The following ACP7 variants were observed in gnomAD, a reference collection of about 807,000 sequenced individuals.
ACP7 encodes acid phosphatase 7, tartrate resistant (putative).
A neutral mutation model predicts 60.6 loss-of-function variants in ACP7; 58 were observed. The observed-to-expected ratio is 0.96, with a 90% CI of 0.77 to 1.19. The LOEUF (loss-of-function observed/expected upper bound fraction) is 1.19. ACP7 is among the 50% of genes most tolerant of loss of function. The probability of loss-of-function intolerance (pLI) is 0.00; values close to 1 mark genes in which losing one functional copy is unlikely to be tolerated. For synonymous variants in ACP7, 237 were observed against 232.6 expected, an observed-to-expected ratio of 1.02 and a Z score of -0.17; for missense variants, 574 against 596.2, an observed-to-expected ratio of 0.96 and a Z score of 0.39.
Position 39,110,105 on chromosome 19 carries a change from G to A in ACP7, c.1304G>A (p.Arg435Lys). Residue 435 changes from arginine to lysine, a missense_variant, in exon 13 of 13, where the codon AGG becomes AAG. Arg to Lys is a conservative substitution (Grantham distance 26, BLOSUM62 2). Coordinates refer to ENST00000331256, the MANE Select transcript of ACP7 (RefSeq NM_001004318.3). ...VWVVRPLFGR[R>K]MYL ...GTGGTGAGACCCCTGTTTGGCCGGA[G>A]GATGTACCTCTAGGGATGGCGGCAG... is the stretch of plus-strand genomic sequence containing the variant. The A allele has an allele frequency of 6.2e-7, 1 of 1,613,764 alleles. No individual in the cohort carries two copies. Among genetic ancestry groups the A allele is most frequent in the Non-Finnish European group, 8.5e-7 (1 of 1,179,620 alleles).
rs775669799 is a variant in ACP7, at chr19:39,100,297, C to G, written c.576C>G (p.Pro192=). The change falls in exon 5 of 13, where the codon CCC becomes CCG. Residue 192 remains proline, a synonymous_variant. Transcript: ENST00000331256. ...VGDRFMRLIE[P]VAASLPYMTC... ...ATAGGTTCATGCGGCTCATTGAACCCGTGGCTGCCAGCCTGCCGTACATGA... is the reference window on the plus strand; with the variant it reads ...ATAGGTTCATGCGGCTCATTGAACCGGTGGCTGCCAGCCTGCCGTACATGA... 3 of 1,614,052 alleles carry G rather than the reference C, an allele frequency of 1.9e-6. No homozygotes were observed. Among genetic ancestry groups the G allele is most frequent in the African/African-American group, 1.3e-5 (1 of 75,010 alleles).
intron 11 of ACP7, among the ~76,000 whole-genome samples, chr19:39,106,220 A>G (rs2073409424): frequency 6.6e-6 from 1 of 152,286 alleles, no homozygotes; most frequent in Middle Eastern, 3.4e-3. Flanking sequence ...TGGAGGGTCT[A>G]CTGTGCAGCC....
At chr19:39,101,082 G>A (rs1366913788) in intron 8 of ACP7, 26 bp downstream of exon 8, 2 of 1,613,720 alleles carry the variant, frequency 1.2e-6, no homozygotes, top group African/African-American at 1.3e-5. Flanking sequence ...GGGAGACAGT[G>A]GGGACATGCT....
intron 2 of ACP7, among the ~76,000 whole-genome samples, chr19:39,090,628 G>T (rs746695939): frequency 5.3e-5 from 8 of 150,760 alleles, no homozygotes; most frequent in Non-Finnish European, 1.2e-4. Flanking sequence ...GGACTACAGG[G>T]ATGCACCACT....
chr19:39,086,562 A>G (rs575272636), intron 2 of ACP7, among the ~76,000 whole-genome samples: 29 of 148,178 alleles, frequency 2.0e-4, no homozygotes, highest in African/African-American at 7.1e-4. Flanking sequence ...CCCAGGAGGC[A>G]AAGGTTGCAA....
At chr19:39,098,860 TCCC>T (rs1276349574) in intron 3 of ACP7, 97 bp from the exon 4 acceptor site, 15 of 1,444,384 alleles carry the variant, frequency 1.0e-5, no homozygotes, top group Middle Eastern at 2.1e-4. Flanking sequence ...CCCCCACCAG[TCCC>T]CCCATCTCCT....
At chr19:39,092,771 CTTTTTT>C (rs67888880) in intron 2 of ACP7, among the ~76,000 whole-genome samples, 2 of 114,668 alleles carry the variant, frequency 1.7e-5, no homozygotes, top group South Asian at 3.0e-4. Flanking sequence ...TCCCATTCCT[CTTTTTT>C]TTTTTTTTTT....
chr19:39,100,684 G>A (rs2073329509), intron 6 of ACP7, 42 bp downstream of exon 6: 1 of 1,611,668 alleles, frequency 6.2e-7, no homozygotes, highest in Non-Finnish European at 8.5e-7. Context: ...TCCCCTGAAG[G>A]ATGGGAGATG....
intron 2 of ACP7, among the ~76,000 whole-genome samples, chr19:39,098,166 G>A (rs748239877): frequency 6.9e-6 from 1 of 145,316 alleles, no homozygotes; most frequent in African/African-American, 2.6e-5. Flanking sequence ...CAGGAGAATC[G>A]CTTGAACCTG....
chr19:39,087,703 G>A (rs1440732193), intron 2 of ACP7, among the ~76,000 whole-genome samples: 1 of 147,262 alleles, frequency 6.8e-6, no homozygotes, highest in Non-Finnish European at 1.5e-5. Context: ...GCATGATCTT[G>A]GCTCACTGCA....
Position 39,110,366 on chromosome 19 carries a change from T to G in ACP7, c.*248T>G, listed in dbSNP as rs372198456. 7 of 529,740 alleles carry G rather than the reference T, an allele frequency of 1.3e-5. No individual in the cohort carries two copies. The African/African-American group carries it at 1.3e-4, about 10-fold the overall frequency. The allele number at this position is 529,740 out of a possible 1,614,324, so 32.8% of individuals were successfully genotyped here. ...AGAGTGACACACGGCAGGTTTCTGCTGGCAGGGCCCCACCCTCCTGCATAG... is the reference window on the plus strand; with the variant it reads ...AGAGTGACACACGGCAGGTTTCTGCGGGCAGGGCCCCACCCTCCTGCATAG... On this transcript the variant is annotated 3_prime_UTR_variant, in exon 13 of 13. Transcript: ENST00000331256.
chr19:39,104,699 C>T (rs2073393046), intron 11 of ACP7, among the ~76,000 whole-genome samples: 1 of 152,116 alleles, frequency 6.6e-6, no homozygotes, highest in South Asian at 2.1e-4. Flanking sequence ...GCCTGCCCAA[C>T]ATGGCAAAAC....
At chr19:39,105,267 G>A (rs1028581579) in intron 11 of ACP7, among the ~76,000 whole-genome samples, 7 of 151,682 alleles carry the variant, frequency 4.6e-5, no homozygotes, top group South Asian at 2.1e-4. Flanking sequence ...TGCCCGCCTC[G>A]GCCTCCCAAA....
intron 2 of ACP7, among the ~76,000 whole-genome samples, chr19:39,096,990 T>C (rs112823813): frequency 0.056 from 8,570 of 152,062 alleles, 641 homozygotes; most frequent in African/African-American, 0.18. Flanking sequence ...TTAGTAGAGA[T>C]GGGGTTTCAC....
chr19:39,093,143 C>CTTTCTTTCTTTCTTTCT (rs373399597), intron 2 of ACP7, among the ~76,000 whole-genome samples: 1 of 104,568 alleles, frequency 9.6e-6, no homozygotes, highest in Non-Finnish European at 1.9e-5. Context: ...TTCCCTCACT[C>CTTTCTTTCTTTCTTTCT]CTTTCTTTCT....
intron 2 of ACP7, among the ~76,000 whole-genome samples, chr19:39,092,496 C>T (rs1600255312): frequency 6.6e-6 from 1 of 152,016 alleles, no homozygotes; most frequent in East Asian, 1.9e-4. Context: ...TGTAATAATA[C>T]CCAGTTAGGA....
At chr19:39,100,891 C>T (rs1455998214) in intron 7 of ACP7, 38 bp downstream of exon 7, 2 of 1,597,572 alleles carry the variant, frequency 1.3e-6, no homozygotes, top group African/African-American at 2.7e-5. Context: ...CCCTGGCCAG[C>T]CCCACCTCCC....
rs746120535 is a variant in ACP7, at chr19:39,100,290, T to C, written c.569T>C (p.Ile190Thr). The change falls in exon 5 of 13, where the codon ATT becomes ACT. Residue 190 changes from isoleucine (I) to threonine (T), a missense_variant. By Grantham distance (89) the Ile-to-Thr change is moderately conservative. Coordinates refer to ENST00000331256, the MANE Select transcript of ACP7 (RefSeq NM_001004318.3). ...ARVGDRFMRLIEPVAASLPYM... is the reference protein window; with the variant it reads ...ARVGDRFMRLTEPVAASLPYM... ...GTTGGGGATAGGTTCATGCGGCTCATTGAACCCGTGGCTGCCAGCCTGCCG... is the reference window on the plus strand; with the variant it reads ...GTTGGGGATAGGTTCATGCGGCTCACTGAACCCGTGGCTGCCAGCCTGCCG... The C allele has an allele frequency of 6.2e-7, 1 of 1,614,044 alleles. No individual in the cohort carries two copies. Among genetic ancestry groups the C allele is most frequent in the Admixed American group, 1.7e-5 (1 of 59,986 alleles).
At chr19:39,085,578 C>G (rs1286418411) in intron 2 of ACP7, among the ~76,000 whole-genome samples, 188 bp downstream of exon 2, 3 of 152,190 alleles carry the variant, frequency 2.0e-5, no homozygotes, top group Non-Finnish European at 2.9e-5. Flanking sequence ...GGGGAATGAT[C>G]ATGGTGCTCA....
Sources: gnomAD v4.1 joint callset for allele counts (sites outside exome capture counted in the v4.1 genomes callset) on GRCh38, gnomAD v4.1.1 for gene constraint, MANE v1.5 for transcripts, NCBI Gene and HGNC (gene_info 2026-07-23, HGNC 2026-07-21) for gene names.